The following GPHN variants were observed in gnomAD, a reference collection of about 807,000 sequenced individuals.
The protein encoded by GPHN is gephyrin.
A neutral mutation model predicts 95.5 loss-of-function variants in GPHN; 17 were observed. That is an observed-to-expected ratio of 0.18 (90% CI 0.12 to 0.27). The LOEUF (loss-of-function observed/expected upper bound fraction) is 0.27. Ranked by LOEUF, GPHN falls within the 10% of genes least tolerant of loss-of-function variation. The probability of loss-of-function intolerance (pLI) is 1.00; values close to 1 mark genes in which losing one functional copy is unlikely to be tolerated. For synonymous variants in GPHN, 320 were observed against 322.5 expected (o/e 0.99, Z 0.08); for missense variants, 660 against 978.1 (o/e 0.67, Z 4.34).
At chr14:66,614,228 A>C (rs1009587467) in intron 1 of GPHN, among the ~76,000 whole-genome samples, 1 of 152,102 alleles carries the variant, frequency 6.6e-6, no homozygotes, top group African/African-American at 2.4e-5. Context: ...CTCAACAAAC[A>C]ATTATTATTA....
chr14:67,009,774 GT>G (rs2072856955), intron 9 of GPHN, among the ~76,000 whole-genome samples: 1 of 151,634 alleles, frequency 6.6e-6, no homozygotes, highest in Non-Finnish European at 1.5e-5. Context: ...TATTTGTTTC[GT>G]TTCTCTTTTT....
chr14:67,314,325 C>T, the GPHN span, among the ~76,000 whole-genome samples: 1 of 152,196 alleles, frequency 6.6e-6, no homozygotes, highest in East Asian at 1.9e-4. Flanking sequence ...GCCAAAGAGA[C>T]TTTTCTGGGT....
rs546611673 is a variant in GPHN at position 66,988,144 on chromosome 14, G to A, written c.963+22819G>A. On this transcript the variant is annotated intron_variant, in intron 9 of 22. Coordinates refer to ENST00000478722, the MANE Select transcript of GPHN (RefSeq NM_020806.5). ...CCCTCTTTCTTTCTTTTCTAGCTGC[G>A]GCTTCATGCTCCCATTTATGAAATA... is the stretch of plus-strand genomic sequence containing the variant. Among the ~76,000 whole-genome samples the A allele has an allele frequency of 2.7e-4, 41 of 151,452 alleles. No homozygotes were observed. The South Asian group carries it at 5.6e-3, about 21-fold the overall frequency.
At chr14:67,207,386 C>T in the GPHN span, among the ~76,000 whole-genome samples, 1 of 151,966 alleles carries the variant, frequency 6.6e-6, no homozygotes, top group Non-Finnish European at 1.5e-5. Flanking sequence ...AACCAAATCT[C>T]GCATCAACTT....
the GPHN span, among the ~76,000 whole-genome samples, chr14:67,715,365 C>G: frequency 6.6e-6 from 1 of 152,220 alleles, no homozygotes; most frequent in South Asian, 2.1e-4. Flanking sequence ...TTGGTTTACT[C>G]CAAACAGAAA....
At chr14:67,573,489 G>T in the GPHN span, 1 of 812,166 alleles carries the variant, frequency 1.2e-6, no homozygotes. The surrounding 1 kb of genome is among the most constrained non-coding windows in gnomAD (Gnocchi z 4.8). Flanking sequence ...CAAGGCCAGA[G>T]GGCAAAGGTC....
chr14:66,521,199 T>G (rs1255245236), intron 1 of GPHN, among the ~76,000 whole-genome samples: 1 of 152,208 alleles, frequency 6.6e-6, no homozygotes, highest in Non-Finnish European at 1.5e-5. Context: ...TAGAATGATT[T>G]CTATTTCTCT....
the GPHN span, among the ~76,000 whole-genome samples, chr14:67,463,865 G>A: frequency 6.6e-6 from 1 of 152,106 alleles, no homozygotes; most frequent in Non-Finnish European, 1.5e-5. Context: ...GGTAGAGACA[G>A]GGTTAGAACA....
At chr14:67,666,250 T>C in the GPHN span, among the ~76,000 whole-genome samples, 2 of 152,192 alleles carry the variant, frequency 1.3e-5, no homozygotes, top group African/African-American at 2.4e-5. Context: ...CTTCCTTTGT[T>C]AATGGGTATG....
At chr14:66,585,878 G>T (rs1296412909) in intron 1 of GPHN, among the ~76,000 whole-genome samples, 1 of 152,124 alleles carries the variant, frequency 6.6e-6, no homozygotes, top group Non-Finnish European at 1.5e-5. Context: ...GATTTGGGGT[G>T]GAGAGTTCTG....
At chr14:67,247,314 AGTTGATCACT>A in the GPHN span, among the ~76,000 whole-genome samples, 15 of 152,196 alleles carry the variant, frequency 9.9e-5, no homozygotes, top group Non-Finnish European at 1.6e-4. Flanking sequence ...ATCAGATTCC[AGTTGATCACT>A]GATGGTATAT....
At chr14:66,778,725 G>GTTTT (rs2059486231) in intron 3 of GPHN, among the ~76,000 whole-genome samples, 7 of 120,872 alleles carry the variant, frequency 5.8e-5, no homozygotes, top group African/African-American at 2.3e-4. Context: ...GACTCAAGGG[G>GTTTT]CTTTTTTTTT....
In GPHN at chr14:67,093,879, C is replaced by A. The variant is rs114916788; in HGVS notation, c.1237+4804C>A. 2.1e-3 allele frequency among the ~76,000 whole-genome samples: 314 copies of A among 152,242 alleles called. 1 individual carries two copies. The highest frequency in any genetic ancestry group is 7.2e-3 in the African/African-American group (300 of 41,574). ...CTACCAACCCCTCCTATAATCTTAA[C>A]TTTAGTATGCATATAAATACTATTA... On this transcript the variant is annotated intron_variant, in intron 12 of 22. Coordinates refer to ENST00000478722, the MANE Select transcript of GPHN (RefSeq NM_020806.5).
At chr14:66,688,998 G>A (rs1016406388) in intron 2 of GPHN, among the ~76,000 whole-genome samples, 50 of 152,032 alleles carry the variant, frequency 3.3e-4, no homozygotes, top group African/African-American at 1.1e-3. Context: ...AACCAACATG[G>A]CACATGTATA....
Position 67,022,568 on chromosome 14 carries a change from G to GGTGTGTGT in GPHN, c.964-1034_964-1027dup, listed in dbSNP as rs72312422. On this transcript the variant is annotated intron_variant, in intron 9 of 22. Coordinates refer to ENST00000478722, the MANE Select transcript of GPHN (RefSeq NM_020806.5). The stretch of plus-strand genomic sequence containing the variant: ...TTTTTTTTTTTTTTTTTTTTTTTTT[G>GGTGTGTGT]GTGTGTGTGTGTGTGTGTGTGTGTG... Among the ~76,000 whole-genome samples the GGTGTGTGT allele has an allele frequency of 8.5e-3, 177 of 20,862 alleles. 1 individual carries two copies. The highest frequency in any genetic ancestry group is 0.01 in the Non-Finnish European group (115 of 11,336). The allele number at this position is 20,862 out of a possible 152,430, so 13.7% of individuals were successfully genotyped here. A position where few individuals can be genotyped will look rare whatever the true frequency, so the allele number is the denominator to read the frequency against.
At chr14:67,620,121 A>C in the GPHN span, 1 of 1,481,340 alleles carries the variant, frequency 6.8e-7, no homozygotes. Context: ...GCCGGGCAGG[A>C]TCCTCCGCCC....
At chr14:67,131,403 T>G (rs2079698366) in intron 17 of GPHN, among the ~76,000 whole-genome samples, 1 of 152,156 alleles carries the variant, frequency 6.6e-6, no homozygotes, top group African/African-American at 2.4e-5. Flanking sequence ...AGGGATACAT[T>G]AAACAGCCCT....
chr14:66,804,756 C>A (rs1566963360), intron 3 of GPHN, among the ~76,000 whole-genome samples: 1 of 152,150 alleles, frequency 6.6e-6, no homozygotes, highest in Non-Finnish European at 1.5e-5. Flanking sequence ...ATTATTTCTG[C>A]AATTATCTGA....
At chr14:67,497,591 A>G in the GPHN span, among the ~76,000 whole-genome samples, 1 of 152,172 alleles carries the variant, frequency 6.6e-6, no homozygotes, top group Non-Finnish European at 1.5e-5. Flanking sequence ...TCCATTTATA[A>G]TTATCTATAT....
Sources: allele counts gnomAD v4.1 joint callset (sites outside exome capture counted in the v4.1 genomes callset), GRCh38; gene constraint gnomAD v4.1.1; non-coding constraint Gnocchi (gnomAD v3.1); transcripts MANE v1.5; gene names NCBI Gene and HGNC (gene_info 2026-07-23, HGNC 2026-07-21).